The following NPAS3 variants were observed in gnomAD, a reference collection of about 807,000 sequenced individuals.
NPAS3 encodes neuronal PAS domain-containing protein 3.
NPAS3 carries 14 observed loss-of-function variants against 73.1 expected under a neutral mutation model. The observed-to-expected ratio is 0.19, with a 90% CI of 0.13 to 0.30. The LOEUF (loss-of-function observed/expected upper bound fraction) is 0.30. Ranked by LOEUF, NPAS3 falls within the 10% of genes least tolerant of loss-of-function variation. NPAS3 has a pLI of 1.00. For missense variants in NPAS3, 1,096 were observed against 1,250.0 expected, an observed-to-expected ratio of 0.88 and a Z score of 1.86; for synonymous variants, 620 against 541.5, an observed-to-expected ratio of 1.14 and a Z score of -2.01.
At chr14:33,101,156 C>T (rs372226509) in intron 2 of NPAS3, among the ~76,000 whole-genome samples, 8 of 152,292 alleles carry the variant, frequency 5.3e-5, no homozygotes, top group African/African-American at 1.9e-4. Flanking sequence ...CCTGCACACA[C>T]ACTGACATAC....
intron 7 of NPAS3, among the ~76,000 whole-genome samples, chr14:33,753,557 GA>G (rs1224725673): frequency 6.6e-6 from 1 of 152,132 alleles, no homozygotes; most frequent in East Asian, 1.9e-4. Flanking sequence ...GGGAGGAAAA[GA>G]AGTAGCCAAT....
chr14:33,186,059 G>T (rs1190706705), intron 2 of NPAS3, among the ~76,000 whole-genome samples: 2 of 152,100 alleles, frequency 1.3e-5, no homozygotes, highest in Non-Finnish European at 1.5e-5. Flanking sequence ...AAGATGCTGG[G>T]TTAGGAGATC....
intron 3 of NPAS3, among the ~76,000 whole-genome samples, chr14:33,238,185 G>A (rs575384009): frequency 2.0e-5 from 3 of 152,004 alleles, no homozygotes; most frequent in South Asian, 4.1e-4. Flanking sequence ...CACTAAGATC[G>A]TAAACATATT....
intron 1 of NPAS3, among the ~76,000 whole-genome samples, chr14:32,983,127 G>C (rs575202059): frequency 6.6e-6 from 1 of 152,246 alleles, no homozygotes; most frequent in East Asian, 1.9e-4. Flanking sequence ...AAGGTATCAA[G>C]GGGTATTTTC....
chr14:32,989,732 C>A (rs531767820), intron 1 of NPAS3, among the ~76,000 whole-genome samples: 1 of 152,226 alleles, frequency 6.6e-6, no homozygotes, highest in Non-Finnish European at 1.5e-5. Flanking sequence ...TTTTCTACTT[C>A]CTATCACAAT....
intron 4 of NPAS3, among the ~76,000 whole-genome samples, chr14:33,411,370 A>T (rs1277194703): frequency 6.6e-6 from 1 of 151,950 alleles, no homozygotes; most frequent in African/African-American, 2.4e-5. Flanking sequence ...TTTAGTAGAG[A>T]CAGGGTTTCG....
chr14:33,582,060 G>A (rs1036225106), intron 5 of NPAS3: 2 of 152,010 alleles, frequency 1.3e-5, no homozygotes, highest in African/African-American at 2.4e-5. Flanking sequence ...TTTTATATAT[G>A]TACCCATTCT....
chr14:33,318,397 GAA>G (rs1458061175), intron 3 of NPAS3, among the ~76,000 whole-genome samples: 1 of 152,062 alleles, frequency 6.6e-6, no homozygotes, highest in Non-Finnish European at 1.5e-5. Context: ...TTTGCAACAC[GAA>G]AAGAGTTCTG....
chr14:33,617,388 A>G (rs1463205789), intron 5 of NPAS3, among the ~76,000 whole-genome samples: 1 of 152,160 alleles, frequency 6.6e-6, no homozygotes, highest in East Asian at 1.9e-4. Flanking sequence ...GCTCCTTGGG[A>G]AAGAAAATCC....
At chr14:33,510,948 T>C (rs553319934) in intron 4 of NPAS3, among the ~76,000 whole-genome samples, 7 of 152,232 alleles carry the variant, frequency 4.6e-5, no homozygotes, top group African/African-American at 1.4e-4. Flanking sequence ...AGGGGGTTAA[T>C]GAGCTTTCAG....
intron 2 of NPAS3, among the ~76,000 whole-genome samples, chr14:33,150,726 T>A (rs2044415117): frequency 6.6e-6 from 1 of 152,242 alleles, no homozygotes; most frequent in African/African-American, 2.4e-5. Context: ...TTCTCCGTAA[T>A]CATGCTGTGA....
chr14:33,061,125 A>G (rs1028025748), intron 2 of NPAS3, among the ~76,000 whole-genome samples: 92 of 152,190 alleles, frequency 6.0e-4, no homozygotes, highest in African/African-American at 2.1e-3. Context: ...TGTTATCCCA[A>G]TTAAGGCGAA....
chr14:33,546,021 C>T (rs1256656016), intron 4 of NPAS3, among the ~76,000 whole-genome samples: 5 of 152,176 alleles, frequency 3.3e-5, no homozygotes, highest in African/African-American at 1.2e-4. Context: ...ATTCCTCAAT[C>T]CTCTTCTTCT....
intron 2 of NPAS3, among the ~76,000 whole-genome samples, chr14:33,098,137 T>G (rs2042477259): frequency 6.6e-6 from 1 of 152,208 alleles, no homozygotes; most frequent in Admixed American, 6.5e-5. Context: ...GCATTCCATC[T>G]AGAATTAATT....
At chr14:33,626,431 A>C (rs1440129071) in intron 5 of NPAS3, among the ~76,000 whole-genome samples, 1 of 152,162 alleles carries the variant, frequency 6.6e-6, no homozygotes, top group African/African-American at 2.4e-5. Flanking sequence ...GACTTTAAAA[A>C]TTCTCCAGGG....
At chr14:33,530,746 G>T (rs1332972195) in intron 4 of NPAS3, among the ~76,000 whole-genome samples, 1 of 146,132 alleles carries the variant, frequency 6.8e-6, no homozygotes, top group Non-Finnish European at 1.5e-5. Context: ...AAGACAACTT[G>T]TTCCTCCCAA....
chr14:33,139,832 CAG>C (rs1421347290), intron 2 of NPAS3, among the ~76,000 whole-genome samples: 1 of 152,154 alleles, frequency 6.6e-6, no homozygotes, highest in African/African-American at 2.4e-5. Flanking sequence ...TCCATTATCA[CAG>C]AAAGTTCTAC....
At chr14:33,154,010 A>G (rs1027830224) in intron 2 of NPAS3, among the ~76,000 whole-genome samples, 2 of 152,224 alleles carry the variant, frequency 1.3e-5, no homozygotes, top group Non-Finnish European at 2.9e-5. Flanking sequence ...GGGAGCATTC[A>G]GTGTGGGTCC....
chr14:33,128,985 C>T (rs973382562), intron 2 of NPAS3, among the ~76,000 whole-genome samples: 6 of 151,972 alleles, frequency 3.9e-5, no homozygotes, highest in African/African-American at 1.4e-4. Flanking sequence ...GACCTCATTC[C>T]AACTAATTTC....
Sources: gnomAD v4.1 joint callset for allele counts (sites outside exome capture counted in the v4.1 genomes callset) on GRCh38, gnomAD v4.1.1 for gene constraint, MANE v1.5 for transcripts, NCBI Gene and HGNC (gene_info 2026-07-23, HGNC 2026-07-21) for gene names.